The following SH3RF2 variants were observed in gnomAD, a reference collection of about 807,000 sequenced individuals.
SH3RF2 encodes the protein E3 ubiquitin-protein ligase SH3RF2.
Under a neutral mutation model 59.0 loss-of-function variants are expected in SH3RF2, and 43 were observed. The ratio of observed to expected loss-of-function variants is 0.73; its 90% CI spans 0.57 to 0.94. SH3RF2 has a LOEUF of 0.94. SH3RF2 is among the 40% of genes least tolerant of loss of function. The pLI, the probability that SH3RF2 is intolerant of heterozygous loss-of-function variation, is 0.00. For synonymous variants in SH3RF2, 391 were observed against 391.5 expected (o/e 1.00, Z 0.01); for missense variants, 930 against 940.1 (o/e 0.99, Z 0.14).
intron 2 of SH3RF2, chr5:145,997,419 G>T: frequency 7.5e-7 from 1 of 1,340,764 alleles, no homozygotes; most frequent in Non-Finnish European, 1.1e-6. Context: ...CACTGCAACT[G>T]GTCATTATAC....
intron 2 of SH3RF2, among the ~76,000 whole-genome samples, chr5:145,976,077 A>T (rs1203032939): frequency 6.6e-6 from 1 of 152,228 alleles, no homozygotes; most frequent in Non-Finnish European, 1.5e-5. Flanking sequence ...GGTTTTTAGT[A>T]AATATTTGTG....
chr5:145,938,287 T>A lies in SH3RF2; in HGVS notation c.359T>A (p.Val120Asp). 1 of 1,569,372 alleles carries A rather than the reference T, an allele frequency of 6.4e-7. No homozygotes were observed. Among genetic ancestry groups the A allele is most frequent in the Non-Finnish European group, 8.6e-7 (1 of 1,163,342 alleles). The change falls in exon 2 of 10, where the codon GTC becomes GAC. Residue 120 changes from valine (V) to aspartate (D), a missense_variant. Transcript: ENST00000359120. The stretch of plus-strand genomic sequence containing the variant: ...AGTCCTTTCCGGCTAGTGCCTAATG[T>A]CAGAATCCACATGGATGGGGTAAGA... Reference protein sequence around the residue: ...QASPFRLVPNVRIHMDGVPRA... With the variant: ...QASPFRLVPNDRIHMDGVPRA...
Position 146,060,336 on chromosome 5 carries a change from A to G in SH3RF2, c.1914+112A>G, listed in dbSNP as rs1580940416. On this transcript the variant is annotated intron_variant, in intron 9 of 9. Transcript: ENST00000359120. ...ACAAGGAACCAAAATTGCAGCCTCG[A>G]AAGAATCCTCACACATAACACTCCT... 1.6e-5 allele frequency: 16 copies of G among 1,014,564 alleles called. No individual in the cohort carries two copies. In the South Asian group the frequency reaches 2.4e-4, roughly 15 times the overall value. The allele number at this position is 1,014,564 out of a possible 1,614,324, so 62.8% of individuals were successfully genotyped here.
chr5:145,971,955 G>A (rs1168993494), intron 2 of SH3RF2, among the ~76,000 whole-genome samples: 1 of 152,128 alleles, frequency 6.6e-6, no homozygotes, highest in Non-Finnish European at 1.5e-5. Context: ...CATGGTACAT[G>A]GACCATTTCA....
At chr5:145,951,322 C>T (rs1758185689) in intron 2 of SH3RF2, among the ~76,000 whole-genome samples, 1 of 152,198 alleles carries the variant, frequency 6.6e-6, no homozygotes, top group African/African-American at 2.4e-5. Flanking sequence ...CACAGTAGCT[C>T]TGCCTCCCTC....
Position 146,036,490 on chromosome 5 carries a change from T to C in SH3RF2, c.1060-11282T>C, listed in dbSNP as rs924305698. On this transcript the variant is annotated intron_variant, in intron 5 of 9. Transcript: ENST00000359120. The stretch of plus-strand genomic sequence containing the variant: ...CGGGTGGATCACTTGAGGTCAGGAG[T>C]TCGAGACCAGCCTGGCCAACATGGC... Among the ~76,000 whole-genome samples the C allele has an allele frequency of 2.6e-5, 4 of 151,414 alleles. No homozygotes were observed. In the East Asian group the frequency reaches 7.8e-4, roughly 29 times the overall value.
At chr5:145,953,974 T>C (rs1400855232) in intron 2 of SH3RF2, among the ~76,000 whole-genome samples, 3 of 152,246 alleles carry the variant, frequency 2.0e-5, no homozygotes, top group Non-Finnish European at 4.4e-5. Flanking sequence ...GGCATTTAGA[T>C]TGATTCTATG....
chr5:146,003,100 A>G (rs1342934839), intron 3 of SH3RF2, among the ~76,000 whole-genome samples: 1 of 152,238 alleles, frequency 6.6e-6, no homozygotes, highest in African/African-American at 2.4e-5. Context: ...GTGGATGAAT[A>G]TACAGGTTGA....
At chr5:146,002,469 A>AAAGGAAGGAAGGAAGGAAGGAAGG (rs368645230) in intron 3 of SH3RF2, among the ~76,000 whole-genome samples, 10 of 97,572 alleles carry the variant, frequency 1.0e-4, no homozygotes, top group South Asian at 7.7e-4. Flanking sequence ...AAAAGAAAGA[A>AAAGGAAGGAAGGAAGGAAGGAAGG]AAGGAAGGAA....
chr5:146,056,462 G>C (rs573415635), intron 8 of SH3RF2, among the ~76,000 whole-genome samples: 1 of 152,202 alleles, frequency 6.6e-6, no homozygotes, highest in Non-Finnish European at 1.5e-5. Flanking sequence ...GTGCCAACAT[G>C]TAATTAGAAC....
At chr5:146,019,380 T>C (rs1761224565) in intron 5 of SH3RF2, among the ~76,000 whole-genome samples, 1 of 152,158 alleles carries the variant, frequency 6.6e-6, no homozygotes, top group Non-Finnish European at 1.5e-5. Flanking sequence ...CTTTCCTCAG[T>C]TTAGGTTTTT....
intron 2 of SH3RF2, among the ~76,000 whole-genome samples, chr5:145,994,288 G>C (rs1380070023): frequency 3.9e-5 from 6 of 152,146 alleles, no homozygotes; most frequent in Non-Finnish European, 8.8e-5. Context: ...CCCACATTTT[G>C]CTGTCTTCTT....
Position 146,013,812 on chromosome 5 carries a change from C to T in SH3RF2, c.810C>T (p.Asn270=). ...GTCGCCAGTCATCCCGCACAAAAAA[C>T]CTGTCCCTGGTGTCCTCGTCCTCCA... The part of the protein sequence containing the change: ...NKGRQSSRTK[N]LSLVSSSSRG... Residue 270 remains asparagine, a synonymous_variant, in exon 5 of 10, where the codon AAC becomes AAT. Coordinates refer to ENST00000359120, the MANE Select transcript of SH3RF2 (RefSeq NM_152550.4). The T allele has an allele frequency of 6.2e-7, 1 of 1,614,182 alleles. No individual in the cohort carries two copies. The highest frequency in any genetic ancestry group is 8.5e-7 in the Non-Finnish European group (1 of 1,180,010).
chr5:146,006,385 T>G (rs1760646336), intron 4 of SH3RF2, among the ~76,000 whole-genome samples: 1 of 152,016 alleles, frequency 6.6e-6, no homozygotes, highest in African/African-American at 2.4e-5. Context: ...TGTGCCACTA[T>G]ACTCTAGACT....
intron 4 of SH3RF2, among the ~76,000 whole-genome samples, chr5:146,010,913 G>T (rs1351172022): frequency 6.6e-6 from 1 of 152,074 alleles, no homozygotes; most frequent in African/African-American, 2.4e-5. Flanking sequence ...TTTGGCTTTT[G>T]TTGCCATTGC....
At chr5:146,078,099 T>G (rs1763370422) in intron 9 of SH3RF2, among the ~76,000 whole-genome samples, 1 of 152,168 alleles carries the variant, frequency 6.6e-6, no homozygotes, top group Non-Finnish European at 1.5e-5. Flanking sequence ...AAAAAATAAT[T>G]TGGCAACCAT....
chr5:145,968,406 C>T (rs1350399158), intron 2 of SH3RF2, among the ~76,000 whole-genome samples: 2 of 151,970 alleles, frequency 1.3e-5, no homozygotes, highest in Non-Finnish European at 2.9e-5. Flanking sequence ...TAAAATATGT[C>T]CCAAAAGTAC....
chr5:146,063,425 T>C (rs950892398), downstream of SH3RF2: 1 of 152,272 alleles, frequency 6.6e-6, no homozygotes, highest in Non-Finnish European at 1.5e-5. Context: ...GCAGAAAGCA[T>C]GTGGCTGTGG....
At chr5:145,961,236 A>G (rs1252960224) in intron 2 of SH3RF2, among the ~76,000 whole-genome samples, 1 of 142,738 alleles carries the variant, frequency 7.0e-6, no homozygotes, top group Non-Finnish European at 1.5e-5. Flanking sequence ...AGTGGGGGAA[A>G]GTTCTGAGGG....
Sources: gnomAD v4.1 joint callset for allele counts (sites outside exome capture counted in the v4.1 genomes callset) on GRCh38, gnomAD v4.1.1 for gene constraint, MANE v1.5 for transcripts, NCBI Gene and HGNC (gene_info 2026-07-23, HGNC 2026-07-21) for gene names.